Variants in RBPJ observed in about 807,000 individuals in gnomAD.
RBPJ encodes the protein recombining binding protein suppressor of hairless.
In RBPJ, 9 loss-of-function variants were observed where a neutral mutation model predicts 67.8. The observed-to-expected ratio is 0.13, with a 90% CI of 0.08 to 0.23. The LOEUF (loss-of-function observed/expected upper bound fraction) is 0.23, where lower values mean the gene tolerates loss of function less well. Ranked by LOEUF, RBPJ falls within the 10% of genes least tolerant of loss-of-function variation. RBPJ has a pLI of 1.00. For synonymous variants in RBPJ, 198 were observed against 203.3 expected (o/e 0.97, Z 0.22); for missense variants, 305 against 595.6 (o/e 0.51, Z 5.08).
Position 26,434,215 on chromosome 4 carries a change from CACTCTT to C in RBPJ, c.*3212_*3217del, listed in dbSNP as rs1736479718. On this transcript the variant is annotated 3_prime_UTR_variant, in exon 11 of 11. Coordinates refer to ENST00000355476, the MANE Select transcript of RBPJ (RefSeq NM_015874.6). ...CATGACTTAATCGTGAAATGTTTGT[CACTCTT>C]ACTGCACAGACTTATCTGCAATCAT... The C allele has an allele frequency of 6.6e-6, 1 of 152,192 alleles. No homozygotes were observed. Among genetic ancestry groups the C allele is most frequent in the African/African-American group, 2.4e-5 (1 of 41,456 alleles). 9.4% of individuals were successfully genotyped at this position (152,192 alleles called of 1,614,324 possible). A position where few individuals can be genotyped will look rare whatever the true frequency, so the allele number is the denominator to read the frequency against.
chr4:26,407,680 A>T (rs1733572139), intron 3 of RBPJ, among the ~76,000 whole-genome samples: 1 of 152,136 alleles, frequency 6.6e-6, no homozygotes, highest in Non-Finnish European at 1.5e-5. Context: ...AAAAGGAATG[A>T]AAACTAAGGT....
chr4:26,337,527 C>CTTT (rs74272715), intron 1 of RBPJ, among the ~76,000 whole-genome samples: 1 of 142,954 alleles, frequency 7.0e-6, no homozygotes, highest in African/African-American at 2.6e-5. Flanking sequence ...TTGTTTCCAA[C>CTTT]TTTTTTTTTT....
At chr4:26,172,240 C>T (rs1039345503) in intron 1 of RBPJ, among the ~76,000 whole-genome samples, 8 of 152,032 alleles carry the variant, frequency 5.3e-5, no homozygotes, top group East Asian at 3.9e-4. Flanking sequence ...AAACAGCTGC[C>T]GCCATCCGCC....
At chr4:26,210,791 CTTT>C (rs1718390277) in intron 1 of RBPJ, among the ~76,000 whole-genome samples, 1 of 139,664 alleles carries the variant, frequency 7.2e-6, no homozygotes. Flanking sequence ...TTCTTTCTTT[CTTT>C]CTTTCTTTCT....
intron 1 of RBPJ, among the ~76,000 whole-genome samples, chr4:26,259,756 T>C (rs1720467369): frequency 6.6e-6 from 1 of 152,230 alleles, no homozygotes; most frequent in Non-Finnish European, 1.5e-5. Flanking sequence ...TCCTCTTCAG[T>C]TAGAGCACAA....
intron 1 of RBPJ, among the ~76,000 whole-genome samples, chr4:26,362,049 G>T (rs1291412996): frequency 1.3e-5 from 2 of 152,182 alleles, no homozygotes; most frequent in African/African-American, 4.8e-5. Flanking sequence ...TTGTTTGAAG[G>T]ATCCTCTGCC....
At chr4:26,185,101 C>A (rs1717186290) in intron 1 of RBPJ, among the ~76,000 whole-genome samples, 1 of 150,860 alleles carries the variant, frequency 6.6e-6, no homozygotes, top group Non-Finnish European at 1.5e-5. Context: ...GACATTGCGC[C>A]ACTGCACTCC....
intron 3 of RBPJ, chr4:26,410,060 T>G (rs1733868534): frequency 2.2e-6 from 1 of 455,152 alleles, no homozygotes; most frequent in Non-Finnish European, 4.4e-6. Flanking sequence ...AGTAAAGGAC[T>G]GCTAATGCTA....
chr4:26,172,713 G>A (rs149701652), intron 1 of RBPJ, among the ~76,000 whole-genome samples: 105 of 152,274 alleles, frequency 6.9e-4, no homozygotes, highest in African/African-American at 2.5e-3. Flanking sequence ...AACTGTGCCC[G>A]ATAGATGGTA....
At chr4:26,272,721 C>T (rs888435466) in intron 1 of RBPJ, 11 of 454,240 alleles carry the variant, frequency 2.4e-5, no homozygotes, top group Middle Eastern at 3.2e-4. Context: ...GCTTACTTTT[C>T]TCTGTCCTTG....
At position 26,357,255 on chromosome 4, in the gene RBPJ, GT is replaced by G. The variant is rs566762057; in HGVS notation, c.21-29096del. ...AGGATAGGTGATTGACTATAGGACT[GT>G]TACAGTGATCCTGTGCTGTAAGGAA... On this transcript the variant is annotated intron_variant, in intron 1 of 10. Transcript: ENST00000355476. 4.6e-4 allele frequency among the ~76,000 whole-genome samples: 70 copies of G among 152,284 alleles called. 2 individuals carry two copies. The South Asian group carries it at 0.014, about 31-fold the overall frequency.
At chr4:26,230,288 A>G (rs186417367) in intron 1 of RBPJ, among the ~76,000 whole-genome samples, 2 of 152,264 alleles carry the variant, frequency 1.3e-5, no homozygotes, top group African/African-American at 4.8e-5. Flanking sequence ...TTCCTACATG[A>G]CTAGATACCA....
chr4:26,160,532 T>C (rs1213392808), upstream of RBPJ, among the ~76,000 whole-genome samples: 2 of 152,174 alleles, frequency 1.3e-5, no homozygotes, highest in Admixed American at 6.5e-5. Context: ...GATAAGACAG[T>C]TAATGATGCA....
At chr4:26,110,816 C>T in the RBPJ span, among the ~76,000 whole-genome samples, 13 of 152,240 alleles carry the variant, frequency 8.5e-5, no homozygotes, top group African/African-American at 2.2e-4. The surrounding 1 kb of genome is among the most constrained non-coding windows in gnomAD (Gnocchi z 4.5). Flanking sequence ...CTCCAGGTGC[C>T]GCTCAGCCCT....
chr4:26,145,516 C>T, the RBPJ span, among the ~76,000 whole-genome samples: 48,199 of 152,138 alleles, frequency 0.32, 9,234 homozygotes, highest in East Asian at 0.53. Context: ...TGTTTATTGT[C>T]CTAACATATC....
At chr4:26,139,717 A>G in the RBPJ span, among the ~76,000 whole-genome samples, 88,795 of 151,926 alleles carry the variant, frequency 0.58, 26,048 homozygotes, top group East Asian at 0.64. Flanking sequence ...TGTTCCTCTC[A>G]GTGACATGGG....
chr4:26,169,212 TTGGTCTTTGA>T (rs1387157819), intron 1 of RBPJ, among the ~76,000 whole-genome samples: 1 of 152,054 alleles, frequency 6.6e-6, no homozygotes, highest in Non-Finnish European at 1.5e-5. Flanking sequence ...TTATCTACTT[TTGGTCTTTGA>T]TGATGGTGAT....
chr4:26,357,269 G>A (rs1242479256), intron 1 of RBPJ, among the ~76,000 whole-genome samples: 1 of 152,126 alleles, frequency 6.6e-6, no homozygotes, highest in Non-Finnish European at 1.5e-5. Context: ...CAGTGATCCT[G>A]TGCTGTAAGG....
intron 1 of RBPJ, among the ~76,000 whole-genome samples, chr4:26,370,560 A>G (rs1004019965): frequency 6.6e-6 from 1 of 152,176 alleles, no homozygotes; most frequent in African/African-American, 2.4e-5. Context: ...AGAGACTCCC[A>G]TTTAGATCTT....
Sources: gnomAD v4.1 joint callset for allele counts (sites outside exome capture counted in the v4.1 genomes callset) on GRCh38, gnomAD v4.1.1 for gene constraint, Gnocchi (gnomAD v3.1) non-coding constraint, MANE v1.5 for transcripts, NCBI Gene and HGNC (gene_info 2026-07-23, HGNC 2026-07-21) for gene names.